DAB1: variants seen among roughly 807,000 people sequenced by gnomAD.
The protein encoded by DAB1 is DAB adaptor protein 1, also known as disabled homolog 1.
Under a neutral mutation model 64.6 loss-of-function variants are expected in DAB1, and 15 were observed. The observed-to-expected ratio is 0.23, with a 90% CI of 0.16 to 0.36. The LOEUF (loss-of-function observed/expected upper bound fraction) is 0.36, where lower values mean the gene tolerates loss of function less well. Among genes scored for constraint, DAB1 ranks in the 10% least tolerant of loss-of-function variants. The probability of loss-of-function intolerance (pLI) is 1.00; values close to 1 mark genes in which losing one functional copy is unlikely to be tolerated. For missense variants in DAB1, 596 were observed against 706.7 expected, an observed-to-expected ratio of 0.84 and a Z score of 1.78; for synonymous variants, 235 against 251.9, an observed-to-expected ratio of 0.93 and a Z score of 0.64.
At chr1:58,186,788 G>T (rs1039638726) in intron 4 of DAB1, among the ~76,000 whole-genome samples, 1 of 152,130 alleles carries the variant, frequency 6.6e-6, no homozygotes, top group Non-Finnish European at 1.5e-5. Flanking sequence ...TGACGGAATT[G>T]GGCCAAGTTT....
intron 4 of DAB1, among the ~76,000 whole-genome samples, chr1:58,236,271 T>G (rs1250647249): frequency 1.3e-5 from 2 of 152,146 alleles, no homozygotes; most frequent in Admixed American, 1.3e-4. Context: ...GATTCTCCCA[T>G]GCATACAGCC....
chr1:57,265,007 C>G (rs1178226731), intron 2 of DAB1, among the ~76,000 whole-genome samples: 2 of 152,112 alleles, frequency 1.3e-5, no homozygotes, highest in African/African-American at 2.4e-5. Context: ...GAGGTTTCAC[C>G]TTGAATTTAC....
chr1:58,327,816 G>A (rs1308264988), intron 4 of DAB1, among the ~76,000 whole-genome samples: 5 of 152,052 alleles, frequency 3.3e-5, no homozygotes, highest in South Asian at 4.1e-4. Context: ...AAAATTAGCC[G>A]GGCATGGTCA....
chr1:57,735,609 G>GTTTTTTTT (rs59456674), intron 6 of DAB1, among the ~76,000 whole-genome samples: 39 of 95,186 alleles, frequency 4.1e-4, no homozygotes, highest in East Asian at 2.0e-3. Context: ...CTGTTTGCTT[G>GTTTTTTTT]TTTTTTTTTT....
chr1:57,342,375 G>A (rs1325181498), intron 1 of DAB1, among the ~76,000 whole-genome samples: 1 of 152,160 alleles, frequency 6.6e-6, no homozygotes, highest in African/African-American at 2.4e-5. Flanking sequence ...TCTGTGCTGA[G>A]TTTCTTCATG....
chr1:58,396,643 C>A (rs891531738), intron 3 of DAB1, among the ~76,000 whole-genome samples: 2 of 151,168 alleles, frequency 1.3e-5, no homozygotes, highest in Non-Finnish European at 2.9e-5. Context: ...AGACTCATGG[C>A]GACAGAGAGA....
intron 6 of DAB1, among the ~76,000 whole-genome samples, chr1:57,656,462 C>G (rs1303866330): frequency 6.6e-6 from 1 of 152,170 alleles, no homozygotes; most frequent in Non-Finnish European, 1.5e-5. Flanking sequence ...AGGTTTGCAA[C>G]AACCTAATAT....
At chr1:57,989,757 C>A (rs929313408) in intron 5 of DAB1, among the ~76,000 whole-genome samples, 1 of 152,164 alleles carries the variant, frequency 6.6e-6, no homozygotes, top group African/African-American at 2.4e-5. Flanking sequence ...ACATTGATTT[C>A]TTCTGCCTGT....
At chr1:58,118,469 C>CATATAT (rs370100684) in intron 5 of DAB1, among the ~76,000 whole-genome samples, 1,042 of 21,986 alleles carry the variant, frequency 0.047, 45 homozygotes, top group South Asian at 0.054. Flanking sequence ...TATCCTAAGG[C>CATATAT]ATATATATAT....
intron 5 of DAB1, among the ~76,000 whole-genome samples, chr1:58,126,794 T>C (rs2100684780): frequency 6.6e-6 from 1 of 151,918 alleles, no homozygotes; most frequent in South Asian, 2.1e-4. Context: ...GAACCCATCA[T>C]TTTTTATGGC....
At chr1:57,210,341 T>C (rs889205700) in intron 2 of DAB1, among the ~76,000 whole-genome samples, 2 of 152,216 alleles carry the variant, frequency 1.3e-5, no homozygotes, top group Admixed American at 1.3e-4. Flanking sequence ...TTAAAAATTT[T>C]CTGTCATATA....
chr1:57,509,342 G>T (rs1436231654), intron 7 of DAB1, among the ~76,000 whole-genome samples: 1 of 152,052 alleles, frequency 6.6e-6, no homozygotes. Flanking sequence ...GACCTATGAT[G>T]TCAAAGAACC....
At chr1:57,165,463 T>C (rs970010098) in intron 2 of DAB1, among the ~76,000 whole-genome samples, 2 of 152,162 alleles carry the variant, frequency 1.3e-5, no homozygotes, top group Non-Finnish European at 2.9e-5. Flanking sequence ...CAGAAATAAG[T>C]GTTAAATCCC....
intron 1 of DAB1, among the ~76,000 whole-genome samples, chr1:57,318,786 G>A (rs1001690909): frequency 1.3e-5 from 2 of 150,488 alleles, no homozygotes; most frequent in Non-Finnish European, 2.9e-5. Flanking sequence ...CTGGATTGAG[G>A]ATAAAAGAGA....
At chr1:57,705,970 C>G (rs530588228) in intron 6 of DAB1, among the ~76,000 whole-genome samples, 1 of 148,912 alleles carries the variant, frequency 6.7e-6, no homozygotes, top group South Asian at 2.2e-4. Flanking sequence ...TTGCATCTTA[C>G]TTTTTCACGG....
chr1:57,059,080 T>C (rs1650123410), intron 9 of DAB1, among the ~76,000 whole-genome samples: 1 of 152,212 alleles, frequency 6.6e-6, no homozygotes, highest in Non-Finnish European at 1.5e-5. Flanking sequence ...TGCCAATCCC[T>C]GGCTCAGTGA....
intron 1 of DAB1, among the ~76,000 whole-genome samples, chr1:57,827,548 G>A (rs1309739974): frequency 1.3e-5 from 2 of 152,168 alleles, no homozygotes; most frequent in Non-Finnish European, 2.9e-5. Context: ...TATGGAAGAT[G>A]GTGAAGATTT....
At chr1:58,216,186 C>A (rs1404532986) in intron 4 of DAB1, among the ~76,000 whole-genome samples, 1 of 152,062 alleles carries the variant, frequency 6.6e-6, no homozygotes, top group Non-Finnish European at 1.5e-5. Context: ...CCTTAGCCCC[C>A]ACCCCCCAAC....
At chr1:57,585,397 AT>A (rs1244899290) in intron 7 of DAB1, among the ~76,000 whole-genome samples, 4 of 151,978 alleles carry the variant, frequency 2.6e-5, no homozygotes, top group Non-Finnish European at 5.9e-5. Flanking sequence ...TGTTGCCAAT[AT>A]TTTTTTAAAC....
Sources: gnomAD v4.1 joint callset for allele counts (sites outside exome capture counted in the v4.1 genomes callset) on GRCh38, gnomAD v4.1.1 for gene constraint, MANE v1.5 for transcripts, NCBI Gene and HGNC (gene_info 2026-07-23, HGNC 2026-07-21) for gene names.